Variants in ADAM12 observed in about 807,000 individuals in gnomAD.
ADAM12 encodes the protein ADAM metallopeptidase domain 12.
In ADAM12, 70 loss-of-function variants were observed where a neutral mutation model predicts 106.4. The ratio of observed to expected loss-of-function variants is 0.66; its 90% confidence interval spans 0.54 to 0.80. The LOEUF (loss-of-function observed/expected upper bound fraction) is 0.80, where lower values mean the gene tolerates loss of function less well. ADAM12 is among the 30% of genes least tolerant of loss of function. ADAM12 has a pLI of 0.00. For synonymous variants in ADAM12, 420 were observed against 433.5 expected (o/e 0.97, Z 0.39); for missense variants, 1,010 against 1,171.9 (o/e 0.86, Z 2.02).
At chr10:126,223,786 C>T (rs1028679021) in intron 3 of ADAM12, among the ~76,000 whole-genome samples, 2 of 152,352 alleles carry the variant, frequency 1.3e-5, no homozygotes, top group African/African-American at 4.8e-5. Flanking sequence ...AGCAGCAACA[C>T]TCCAGTTGCC....
chr10:126,258,625 T>G (rs11244914), intron 3 of ADAM12, among the ~76,000 whole-genome samples: 45,771 of 151,828 alleles, frequency 0.3, 7,217 homozygotes, highest in East Asian at 0.46. Context: ...CTCCCTTTTT[T>G]ATTACTCTCT....
chr10:126,035,347 T>C (rs7075396), intron 21 of ADAM12, among the ~76,000 whole-genome samples: 39,007 of 152,086 alleles, frequency 0.26, 5,364 homozygotes, highest in East Asian at 0.42. Flanking sequence ...CAAAAAATGA[T>C]ACATCAATAC....
At chr10:126,329,271 A>C (rs181916468) in intron 2 of ADAM12, among the ~76,000 whole-genome samples, 6 of 152,342 alleles carry the variant, frequency 3.9e-5, no homozygotes, top group Admixed American at 3.3e-4. Context: ...CCCCAGGGAA[A>C]GTCTACATAA....
At chr10:126,384,750 T>C (rs975476968) in intron 1 of ADAM12, among the ~76,000 whole-genome samples, 1 of 152,234 alleles carries the variant, frequency 6.6e-6, no homozygotes, top group Non-Finnish European at 1.5e-5. Context: ...CAGTACCGAA[T>C]GTTTCACCTC....
chr10:126,136,705 C>T (rs1956411779), intron 4 of ADAM12, among the ~76,000 whole-genome samples: 1 of 152,256 alleles, frequency 6.6e-6, no homozygotes, highest in Non-Finnish European at 1.5e-5. Context: ...AACCAGACAC[C>T]ACCATGGGAA....
rs1554986907 is a variant in ADAM12 at position 126,206,863 on chromosome 10, G to GGA, written c.261-51559_261-51558insTC. Among the ~76,000 whole-genome samples, 3 of 147,926 alleles carry GGA rather than the reference G, an allele frequency of 2.0e-5. 1 individual carries two copies. Among genetic ancestry groups the GGA allele is most frequent in the Non-Finnish European group, 4.5e-5 (3 of 66,286 alleles). On this transcript the variant is annotated intron_variant, in intron 3 of 22. Coordinates refer to ENST00000448723, the MANE Select transcript of ADAM12 (RefSeq NM_001288973.2). ...GAATTCCCATGTGTTGTGGGGGCGG[G>GGA]GGGGAGCCAGTGGGAGGTAATTGAA... is the stretch of plus-strand genomic sequence containing the variant.
intron 3 of ADAM12, among the ~76,000 whole-genome samples, chr10:126,232,001 AT>A (rs1565154835): frequency 6.6e-6 from 1 of 152,142 alleles, no homozygotes; most frequent in Non-Finnish European, 1.5e-5. Context: ...TGCAAACTTT[AT>A]ATAACTGAAA....
intron 3 of ADAM12, among the ~76,000 whole-genome samples, chr10:126,180,283 G>T (rs925546442): frequency 6.6e-6 from 1 of 152,164 alleles, no homozygotes; most frequent in Non-Finnish European, 1.5e-5. Context: ...TGACTGCAGA[G>T]GTCAAGGTCT....
At chr10:126,199,012 G>C (rs942465564) in intron 3 of ADAM12, among the ~76,000 whole-genome samples, 1 of 152,154 alleles carries the variant, frequency 6.6e-6, no homozygotes, top group African/African-American at 2.4e-5. Flanking sequence ...GTAGATTCCA[G>C]AAATTTCTTT....
intron 21 of ADAM12, among the ~76,000 whole-genome samples, chr10:126,034,728 T>C (rs1278249): frequency 0.046 from 6,970 of 152,292 alleles, 510 homozygotes; most frequent in African/African-American, 0.15. Context: ...CTTTGCTTTT[T>C]ATCCTGTTTT....
At chr10:126,344,630 C>T (rs558181945) in intron 1 of ADAM12, among the ~76,000 whole-genome samples, 7 of 152,250 alleles carry the variant, frequency 4.6e-5, no homozygotes, top group Admixed American at 1.3e-4. Context: ...GCCATTTTTA[C>T]GATATTGATT....
In ADAM12 at chr10:126,057,400, CA is replaced by C. The variant is rs1196820296; in HGVS notation, c.1609+7405del. The stretch of plus-strand genomic sequence containing the variant: ...ATTAAAAAACAAAAAAACAAAAAAA[CA>C]AAAAAAAAAAACAATGCTTACTCTT... On this transcript the variant is annotated intron_variant, in intron 14 of 22. Transcript: ENST00000448723. Among the ~76,000 whole-genome samples the C allele has an allele frequency of 1.6e-3, 53 of 33,634 alleles. 3 individuals are homozygous for C. Among genetic ancestry groups the C allele is most frequent in the South Asian group, 4.9e-3 (4 of 814 alleles). The allele number at this position is 33,634 out of a possible 152,430, so 22.1% of individuals were successfully genotyped here. A position where few individuals can be genotyped will look rare whatever the true frequency, so the allele number is the denominator to read the frequency against.
chr10:126,203,935 CGCGCGT>C (rs967397653), intron 3 of ADAM12, among the ~76,000 whole-genome samples: 2 of 91,412 alleles, frequency 2.2e-5, no homozygotes, highest in African/African-American at 3.1e-5. Context: ...AGTGCGCGCG[CGCGCGT>C]GTGTGTGTGT....
intron 2 of ADAM12, among the ~76,000 whole-genome samples, chr10:126,294,574 TA>T (rs1362374857): frequency 6.6e-6 from 1 of 152,146 alleles, no homozygotes; most frequent in Non-Finnish European, 1.5e-5. Flanking sequence ...TGACCTGACT[TA>T]AATGATGAAA....
chr10:126,388,032 C>A lies in ADAM12; in HGVS notation c.88+26G>T. 8.3e-7 allele frequency: 1 copy of A among 1,202,368 alleles called. No homozygotes were observed. Among genetic ancestry groups the A allele is most frequent in the Non-Finnish European group, 1.0e-6 (1 of 968,770 alleles). The allele number at this position is 1,202,368 out of a possible 1,614,324, so 74.5% of individuals were successfully genotyped here. ...GCGGTGCCCTCGGCGGGGCGGGCAG[C>A]GAGCCGCCCTAGTTCGGCGACTTAC... On this transcript the variant is annotated intron_variant, in intron 1 of 22. Coordinates refer to ENST00000448723, the MANE Select transcript of ADAM12 (RefSeq NM_001288973.2). The surrounding 1 kb of genome is among the most constrained non-coding windows in gnomAD (Gnocchi z 4.4).
chr10:126,217,369 C>CTT (rs1296671044), intron 3 of ADAM12, among the ~76,000 whole-genome samples: 4 of 143,256 alleles, frequency 2.8e-5, no homozygotes, highest in Admixed American at 7.0e-5. Flanking sequence ...GCATTTGGAA[C>CTT]TTTTTTTTTT....
At chr10:126,387,976 C>T (rs1856735561) in intron 1 of ADAM12, 82 bp downstream of exon 1, 1 of 1,178,922 alleles carries the variant, frequency 8.5e-7, no homozygotes, top group Non-Finnish European at 1.0e-6. Context: ...CTCGGGGCAG[C>T]CCTGGACCTC....
chr10:126,151,541 A>T (rs956813866), intron 4 of ADAM12, among the ~76,000 whole-genome samples: 4 of 152,134 alleles, frequency 2.6e-5, no homozygotes, highest in African/African-American at 9.7e-5. Context: ...CTACGTCCAT[A>T]ATTGAAACTA....
rs765514318 is a variant in ADAM12, at chr10:126,066,706, C to T, written c.1413+11G>A. The T allele has an allele frequency of 3.3e-5, 53 of 1,613,702 alleles. No homozygotes were observed. The highest frequency in any genetic ancestry group is 1.9e-4 in the South Asian group (17 of 91,068). On this transcript the variant is annotated intron_variant, in intron 13 of 22. Transcript: ENST00000448723. This position sits in a 1 kb window ranked among gnomAD's most constrained non-coding sequence, Gnocchi z 5.1. ...CGACCTGGGGGTCAAGTTGTAGCTC[C>T]GGTGACTCACCTGGCAGTCTTCACA...
Sources: allele counts gnomAD v4.1 joint callset (sites outside exome capture counted in the v4.1 genomes callset), GRCh38; gene constraint gnomAD v4.1.1; non-coding constraint Gnocchi (gnomAD v3.1); transcripts MANE v1.5; gene names NCBI Gene and HGNC (gene_info 2026-07-23, HGNC 2026-07-21).